Variants in PCDHGB1 observed in about 807,000 individuals in gnomAD.
The protein encoded by PCDHGB1 is protocadherin gamma subfamily B, 1, also known as protocadherin gamma-B1.
In PCDHGB1, 34 loss-of-function variants were observed where a neutral mutation model predicts 56.6. The ratio of observed to expected loss-of-function variants is 0.60; its 90% CI spans 0.46 to 0.80. The LOEUF (loss-of-function observed/expected upper bound fraction) is 0.80, where lower values mean the gene tolerates loss of function less well. Among genes scored for constraint, PCDHGB1 ranks in the 30% least tolerant of loss-of-function variants. PCDHGB1 has a pLI of 0.00. For missense variants in PCDHGB1, 1,278 were observed against 1,204.6 expected (o/e 1.06, Z -0.90); for synonymous variants, 561 against 505.9 (o/e 1.11, Z -1.46).
intron 1 of PCDHGB1, chr5:141,376,548 T>A: frequency 6.2e-7 from 1 of 1,612,424 alleles, no homozygotes; most frequent in South Asian, 1.1e-5. Flanking sequence ...TAATCTGATC[T>A]TCCCGCAACC....
chr5:141,389,888 G>A, intron 1 of PCDHGB1: 1 of 1,614,086 alleles, frequency 6.2e-7, no homozygotes, highest in Non-Finnish European at 8.5e-7. Context: ...GCTTGCAGGA[G>A]GTGCTGCCGG....
Position 141,422,340 on chromosome 5 carries a change from T to C in PCDHGB1, c.2409+69671T>C, listed in dbSNP as rs776306472. ...CAGGTACAGTGATTGCTCTTCTAAA[T>C]GTGCAAGATCAAGATTCTGGAGAAA... On this transcript the variant is annotated intron_variant, in intron 1 of 3. Transcript: ENST00000523390. 2.6e-6 allele frequency: 4 copies of C among 1,550,190 alleles called. 1 individual carries two copies. Among genetic ancestry groups the C allele is most frequent in the Non-Finnish European group, 3.5e-6 (4 of 1,154,238 alleles).
intron 1 of PCDHGB1, chr5:141,370,409 CG>C (rs775733785): frequency 6.4e-7 from 1 of 1,561,734 alleles, no homozygotes; most frequent in Non-Finnish European, 8.6e-7. Context: ...GAAATAGCTC[CG>C]GATGGAGGGG....
At chr5:141,504,462 G>A (rs1375731108) in intron 2 of PCDHGB1, among the ~76,000 whole-genome samples, 5 of 152,074 alleles carry the variant, frequency 3.3e-5, no homozygotes, top group African/African-American at 9.7e-5. Flanking sequence ...TGGGGCAGCC[G>A]CTGGGATGGG....
intron 1 of PCDHGB1, chr5:141,394,129 C>T: frequency 3.7e-6 from 6 of 1,613,968 alleles, no homozygotes; most frequent in Non-Finnish European, 5.1e-6. Context: ...ACTCAAATCG[C>T]TCTGCACGTG....
chr5:141,469,296 A>T (rs2099196287), intron 1 of PCDHGB1, among the ~76,000 whole-genome samples: 1 of 149,742 alleles, frequency 6.7e-6, no homozygotes, highest in Non-Finnish European at 1.5e-5. Context: ...AACAAAATAG[A>T]CTGGGCACGA....
chr5:141,467,084 A>T, intron 1 of PCDHGB1, among the ~76,000 whole-genome samples: 1 of 142,674 alleles, frequency 7.0e-6, no homozygotes, highest in African/African-American at 2.6e-5. Context: ...ACCAAGTCTC[A>T]CTCTGTCACA....
At chr5:141,418,604 G>A in intron 1 of PCDHGB1, 2 of 1,614,040 alleles carry the variant, frequency 1.2e-6, no homozygotes, top group Non-Finnish European at 1.7e-6. Context: ...CGTGTACAGG[G>A]TTAGCCTTCG....
At chr5:141,360,879 G>A in intron 1 of PCDHGB1, 1 of 1,614,000 alleles carries the variant, frequency 6.2e-7, no homozygotes, top group South Asian at 1.1e-5. Flanking sequence ...ACGTGTACAG[G>A]GTCACCCTGA....
At chr5:141,451,050 G>A (rs915545429) in intron 1 of PCDHGB1, among the ~76,000 whole-genome samples, 6 of 151,352 alleles carry the variant, frequency 4.0e-5, no homozygotes, top group South Asian at 4.2e-4. Flanking sequence ...GGCTGGTCTC[G>A]AACTCCTGAC....
At chr5:141,353,748 C>T (rs557671529) in intron 1 of PCDHGB1, among the ~76,000 whole-genome samples, 3 of 152,206 alleles carry the variant, frequency 2.0e-5, no homozygotes, top group African/African-American at 4.8e-5. Flanking sequence ...AATCTATAAA[C>T]ATGTTGAGAT....
chr5:141,371,692 C>A (rs1172182153), intron 1 of PCDHGB1: 1 of 1,614,048 alleles, frequency 6.2e-7, no homozygotes, highest in South Asian at 1.1e-5. Flanking sequence ...CCACCGCTCT[C>A]CTCCAGCAAG....
chr5:141,373,819 A>G, intron 1 of PCDHGB1: 1 of 365,074 alleles, frequency 2.7e-6, no homozygotes, highest in Non-Finnish European at 4.9e-6. Context: ...GTTTCACAAA[A>G]CGATGCAGTA....
chr5:141,470,019 C>G (rs2099219272), intron 1 of PCDHGB1, among the ~76,000 whole-genome samples: 1 of 152,154 alleles, frequency 6.6e-6, no homozygotes, highest in South Asian at 2.1e-4. Context: ...ATCCCAGCTA[C>G]TCGGGATGCT....
intron 1 of PCDHGB1, among the ~76,000 whole-genome samples, chr5:141,362,816 G>C (rs1253772820): frequency 1.3e-5 from 2 of 152,090 alleles, no homozygotes; most frequent in Non-Finnish European, 2.9e-5. Flanking sequence ...ACTTCTCTCT[G>C]CAGATTTGTT....
intron 1 of PCDHGB1, among the ~76,000 whole-genome samples, chr5:141,447,463 C>T (rs1004772636): frequency 6.6e-6 from 1 of 152,142 alleles, no homozygotes; most frequent in African/African-American, 2.4e-5. Context: ...AGTTTTTCTT[C>T]ACCATCTGTA....
intron 1 of PCDHGB1, chr5:141,364,833 G>A (rs1165362537): frequency 3.1e-6 from 5 of 1,613,882 alleles, no homozygotes; most frequent in African/African-American, 2.7e-5. Flanking sequence ...AACTCTCTCC[G>A]GAGTTACCAG....
chr5:141,453,545 A>T (rs2098768582), intron 1 of PCDHGB1, among the ~76,000 whole-genome samples: 1 of 151,998 alleles, frequency 6.6e-6, no homozygotes, highest in African/African-American at 2.4e-5. Flanking sequence ...TTCACACCAC[A>T]CTCTGTAGAT....
At chr5:141,370,662 A>G (rs1325799428) in intron 1 of PCDHGB1, 1 of 1,613,896 alleles carries the variant, frequency 6.2e-7, no homozygotes, top group South Asian at 1.1e-5. Flanking sequence ...GAGCGACCGT[A>G]TAGACCGAGA....
Sources: allele counts gnomAD v4.1 joint callset (sites outside exome capture counted in the v4.1 genomes callset), GRCh38; gene constraint gnomAD v4.1.1; transcripts MANE v1.5; gene names NCBI Gene and HGNC (gene_info 2026-07-23, HGNC 2026-07-21).